MCF2L2: variants seen among roughly 807,000 people sequenced by gnomAD.
The protein encoded by MCF2L2 is MCF.2 cell line derived transforming sequence-like 2.
In MCF2L2, 102 loss-of-function variants were observed where a neutral mutation model predicts 150.2. The ratio of observed to expected loss-of-function variants is 0.68; its 90% CI spans 0.58 to 0.80. MCF2L2 has a LOEUF of 0.80. Ranked by LOEUF, MCF2L2 falls within the 30% of genes least tolerant of loss-of-function variation. The pLI is 0.00. For missense variants in MCF2L2, 1,256 were observed against 1,372.8 expected (o/e 0.91, Z 1.34); for synonymous variants, 465 against 491.3 (o/e 0.95, Z 0.71).
chr3:183,394,785 A>G (rs1289045688), intron 1 of MCF2L2, among the ~76,000 whole-genome samples: 1 of 152,192 alleles, frequency 6.6e-6, no homozygotes, highest in Non-Finnish European at 1.5e-5. Context: ...GCAACAAAAT[A>G]TCTCACTTCA....
intron 15 of MCF2L2, among the ~76,000 whole-genome samples, chr3:183,242,547 A>C (rs1411102098): frequency 2.0e-5 from 3 of 152,210 alleles, no homozygotes; most frequent in East Asian, 3.8e-4. Flanking sequence ...GGTGGCTTAC[A>C]CGTAGTGTTG....
intron 1 of MCF2L2, among the ~76,000 whole-genome samples, chr3:183,421,008 C>T (rs1395827202): frequency 2.4e-5 from 3 of 123,002 alleles, no homozygotes; most frequent in South Asian, 4.5e-4. Context: ...GCACTTTTTG[C>T]TTTCTGTCAT....
In MCF2L2 at chr3:183,227,312, G is replaced by A. The variant is rs12638707; in HGVS notation, c.2115+985C>T. Reference sequence around the variant, plus strand: ...CACTGGCCCATATAGCCTATTTGTTGCCTAAAACAGGGTGGAGAAACAGGG... The same window carrying A: ...CACTGGCCCATATAGCCTATTTGTTACCTAAAACAGGGTGGAGAAACAGGG... On this transcript the variant is annotated intron_variant, in intron 18 of 29. Coordinates refer to ENST00000328913, the MANE Select transcript of MCF2L2 (RefSeq NM_015078.4). The surrounding 1 kb of genome is among the most constrained non-coding windows in gnomAD (Gnocchi z 4.0). 46,226 of 151,928 alleles carry A rather than the reference G, an allele frequency of 0.3. 8,116 individuals carry two copies. Among genetic ancestry groups the A allele is most frequent in the Middle Eastern group, 0.46 (136 of 296 alleles). 9.4% of individuals were successfully genotyped at this position (151,928 alleles called of 1,614,324 possible). A position where few individuals can be genotyped will look rare whatever the true frequency, so the allele number is the denominator to read the frequency against.
intron 3 of MCF2L2, among the ~76,000 whole-genome samples, chr3:183,362,097 T>C (rs973074789): frequency 6.7e-6 from 1 of 148,420 alleles, no homozygotes; most frequent in African/African-American, 2.6e-5. Context: ...GAAATACTTC[T>C]TGTCTCAAGA....
In MCF2L2 at chr3:183,295,313, C is replaced by A. The variant is rs899677954; in HGVS notation, c.1662G>T (p.Gln554His). ...CAAATAACCTACCCGAGGTGGAGGGCTGGCTGGTTTTTGATGACACCCATT... is the reference window on the plus strand; with the variant it reads ...CAAATAACCTACCCGAGGTGGAGGGATGGCTGGTTTTTGATGACACCCATT... ...SPKWVSSKTS[Q>H]PSTSVPLARP... Residue 554 changes from glutamine (Q) to histidine (H), a missense_variant, in exon 13 of 30, where the codon CAG (glutamine) becomes CAT (histidine). Coordinates refer to ENST00000328913, the MANE Select transcript of MCF2L2 (RefSeq NM_015078.4). 6.2e-7 allele frequency: 1 copy of A among 1,608,312 alleles called. No individual in the cohort carries two copies. Among genetic ancestry groups the A allele is most frequent in the Non-Finnish European group, 8.5e-7 (1 of 1,177,218 alleles).
chr3:183,371,249 GAC>G (rs1712855020), intron 3 of MCF2L2, among the ~76,000 whole-genome samples: 1 of 152,194 alleles, frequency 6.6e-6, no homozygotes, highest in South Asian at 2.1e-4. Context: ...TCGCACCTGT[GAC>G]ACAGCCTCAG....
intron 3 of MCF2L2, among the ~76,000 whole-genome samples, chr3:183,364,939 A>G (rs959265331): frequency 6.6e-6 from 1 of 152,210 alleles, no homozygotes; most frequent in Non-Finnish European, 1.5e-5. Context: ...CCACATACAC[A>G]TAGTCTCAAT....
intron 10 of MCF2L2, among the ~76,000 whole-genome samples, chr3:183,304,689 G>A (rs985390773): frequency 1.3e-5 from 2 of 151,026 alleles, no homozygotes; most frequent in African/African-American, 4.9e-5. Flanking sequence ...GCCCAGGCTG[G>A]TCTCGAACTC....
chr3:183,286,407 A>G (rs1223513116), intron 14 of MCF2L2, among the ~76,000 whole-genome samples: 3 of 152,210 alleles, frequency 2.0e-5, no homozygotes, highest in Non-Finnish European at 4.4e-5. Flanking sequence ...AGCTAGATGC[A>G]TGCTCAATGC....
chr3:183,277,569 G>A (rs1277309432), intron 14 of MCF2L2, among the ~76,000 whole-genome samples: 1 of 151,798 alleles, frequency 6.6e-6, no homozygotes, highest in Non-Finnish European at 1.5e-5. Flanking sequence ...TTTCACAGAT[G>A]CGTGATAACA....
At chr3:183,349,465 G>A (rs1487760084) in intron 3 of MCF2L2, among the ~76,000 whole-genome samples, 1 of 152,122 alleles carries the variant, frequency 6.6e-6, no homozygotes, top group African/African-American at 2.4e-5. Flanking sequence ...TATAGAGGTG[G>A]TTGCTTAGCT....
At chr3:183,357,709 A>G (rs1171600274) in intron 3 of MCF2L2, among the ~76,000 whole-genome samples, 1 of 152,180 alleles carries the variant, frequency 6.6e-6, no homozygotes, top group Admixed American at 6.6e-5. Context: ...GAAGGGTAAT[A>G]AAATGGCATG....
At chr3:183,312,743 T>C (rs1256230651) in intron 7 of MCF2L2, among the ~76,000 whole-genome samples, 1 of 152,200 alleles carries the variant, frequency 6.6e-6, no homozygotes, top group Non-Finnish European at 1.5e-5. Context: ...CACACAGAAG[T>C]CCTGGACCCT....
At chr3:183,204,291 T>G (rs1722397265) in intron 25 of MCF2L2, among the ~76,000 whole-genome samples, 1 of 152,068 alleles carries the variant, frequency 6.6e-6, no homozygotes, top group African/African-American at 2.4e-5. Flanking sequence ...AATTCAACCA[T>G]AAAATGACAA....
intron 15 of MCF2L2, among the ~76,000 whole-genome samples, chr3:183,256,591 G>A (rs913306588): frequency 4.6e-5 from 7 of 152,314 alleles, no homozygotes; most frequent in African/African-American, 1.7e-4. Flanking sequence ...TCTACCAAGT[G>A]TGTAGGCAAC....
At chr3:183,342,412 G>C (rs1458216471) in intron 3 of MCF2L2, among the ~76,000 whole-genome samples, 1 of 152,044 alleles carries the variant, frequency 6.6e-6, no homozygotes, top group East Asian at 1.9e-4. Context: ...TGTAAAATGA[G>C]AATCATATTA....
chr3:183,190,113 G>A (rs112875741), intron 27 of MCF2L2, among the ~76,000 whole-genome samples: 2,628 of 152,300 alleles, frequency 0.017, 78 homozygotes, highest in African/African-American at 0.058. Context: ...GCATCAACGG[G>A]AGGCTCTTAG....
intron 3 of MCF2L2, among the ~76,000 whole-genome samples, chr3:183,355,762 G>A (rs1008365786): frequency 1.4e-4 from 21 of 151,706 alleles, no homozygotes; most frequent in African/African-American, 3.6e-4. Context: ...CACCGCACCC[G>A]GCCATCAACA....
intron 5 of MCF2L2, among the ~76,000 whole-genome samples, chr3:183,323,798 A>AC (rs1336754681): frequency 5.9e-5 from 9 of 151,768 alleles, no homozygotes; most frequent in East Asian, 3.9e-4. Flanking sequence ...CCACATCAAA[A>AC]AAAAAAAAAA....
Sources: allele counts gnomAD v4.1 joint callset (sites outside exome capture counted in the v4.1 genomes callset), GRCh38; gene constraint gnomAD v4.1.1; non-coding constraint Gnocchi (gnomAD v3.1); transcripts MANE v1.5; gene names NCBI Gene and HGNC (gene_info 2026-07-23, HGNC 2026-07-21).